The following DAP3 variants were observed in gnomAD, a reference collection of about 807,000 sequenced individuals.
The protein encoded by DAP3 is small ribosomal subunit protein mS29.
A neutral mutation model predicts 51.9 loss-of-function variants in DAP3; 28 were observed. The ratio of observed to expected loss-of-function variants is 0.54; its 90% CI spans 0.40 to 0.74. The LOEUF is 0.74. Ranked by LOEUF, DAP3 falls within the 30% of genes least tolerant of loss-of-function variation. The pLI, the probability that DAP3 is intolerant of heterozygous loss-of-function variation, is 0.00. For missense variants in DAP3, 458 were observed against 483.5 expected, an observed-to-expected ratio of 0.95 and a Z score of 0.49; for synonymous variants, 170 against 170.3, an observed-to-expected ratio of 1.00 and a Z score of 0.01.
At chr1:155,692,743 G>T (rs1356367517) in intron 1 of DAP3, among the ~76,000 whole-genome samples, 1 of 141,874 alleles carries the variant, frequency 7.0e-6, no homozygotes, top group Non-Finnish European at 1.5e-5. Flanking sequence ...GTATGAATGG[G>T]GAGTTATGCA....
At chr1:155,691,744 A>G (rs1653841623) in intron 1 of DAP3, among the ~76,000 whole-genome samples, 1 of 141,784 alleles carries the variant, frequency 7.1e-6, no homozygotes, top group South Asian at 2.1e-4. Flanking sequence ...TATCCAACAC[A>G]TGTTATTATC....
At chr1:155,688,696 T>G (rs1187970922), upstream of DAP3, 19 of 1,524,678 alleles carry the variant, frequency 1.2e-5, no homozygotes, top group Non-Finnish European at 1.4e-5. Context: ...CCACCTCCTC[T>G]TCTCTCCTCC....
rs1430199974 is a variant in DAP3, at chr1:155,738,770, G to C, written c.*528G>C. On this transcript the variant is annotated 3_prime_UTR_variant, in exon 13 of 13. Transcript: ENST00000368336. ...GCAGACTGCTTGAGTTCAGGAGTTT[G>C]CAACCAGCCTGGGCAACATGGTGAA... 1 of 152,052 alleles carries C rather than the reference G, an allele frequency of 6.6e-6. No homozygotes were observed. The highest frequency in any genetic ancestry group is 1.9e-4 in the East Asian group (1 of 5,162). 9.4% of individuals were successfully genotyped at this position (152,052 alleles called of 1,614,324 possible). A position where few individuals can be genotyped will look rare whatever the true frequency, so the allele number is the denominator to read the frequency against.
chr1:155,729,532 T>C (rs1349766458), intron 9 of DAP3, among the ~76,000 whole-genome samples, 166 bp downstream of exon 9: 1 of 151,942 alleles, frequency 6.6e-6, no homozygotes, highest in Non-Finnish European at 1.5e-5. Flanking sequence ...GTAATCCCAT[T>C]GGCTCACGAG....
chr1:155,736,872 T>C (rs941098081), intron 11 of DAP3, 74 bp from the exon 12 acceptor site: 2 of 1,186,980 alleles, frequency 1.7e-6, no homozygotes, highest in African/African-American at 3.0e-5. Flanking sequence ...ACCTTCAAAG[T>C]GCTTAAGTAG....
chr1:155,715,972 C>T (rs151048619), intron 2 of DAP3, among the ~76,000 whole-genome samples: 123 of 152,298 alleles, frequency 8.1e-4, no homozygotes, highest in East Asian at 5.0e-3. Flanking sequence ...ATAGCTGTCA[C>T]ATAGTGAGGA....
At chr1:155,708,165 T>C (rs1014168642) in intron 1 of DAP3, among the ~76,000 whole-genome samples, 1 of 151,928 alleles carries the variant, frequency 6.6e-6, no homozygotes, top group Non-Finnish European at 1.5e-5. Context: ...CTCCTGCCTC[T>C]GCCTCCCGAG....
At chr1:155,702,721 A>G (rs1655465595) in intron 1 of DAP3, among the ~76,000 whole-genome samples, 1 of 152,182 alleles carries the variant, frequency 6.6e-6, no homozygotes, top group South Asian at 2.1e-4. Context: ...CTGTAATCCC[A>G]GCATTTTGGG....
chr1:155,691,866 C>T (rs952483716), intron 1 of DAP3, among the ~76,000 whole-genome samples: 13 of 141,078 alleles, frequency 9.2e-5, no homozygotes, highest in African/African-American at 2.0e-4. Context: ...GTAGGGTATC[C>T]GAAGTCCGGT....
intron 3 of DAP3, among the ~76,000 whole-genome samples, chr1:155,718,777 T>C (rs772215510): frequency 2.0e-5 from 3 of 151,574 alleles, no homozygotes; most frequent in Non-Finnish European, 2.9e-5. Flanking sequence ...TATATATATA[T>C]ACCATTCACC....
In DAP3 at chr1:155,726,014, C is replaced by T. The variant is rs953049679; in HGVS notation, c.467C>T (p.Pro156Leu). The change falls in exon 6 of 13, where the codon CCA (proline) becomes CTA (leucine). Residue 156 changes from proline (P) to leucine (L), a missense_variant. Physicochemically the swap from Pro to Leu is moderately conservative, Grantham distance 98. Transcript: ENST00000368336. ...AKQDWLILHI[P>L]DAHLWVKNCR... ...CAGGACTGGCTGATACTACATATTC[C>T]AGATGGTAAGAACTTCCTGTTGTTT... 2.5e-6 allele frequency: 4 copies of T among 1,613,282 alleles called. No homozygotes were observed. In the African/African-American group the frequency reaches 4.0e-5, roughly 16 times the overall value.
chr1:155,710,229 CTTTT>C (rs537481688), intron 2 of DAP3: 12 of 137,068 alleles, frequency 8.8e-5, no homozygotes, highest in South Asian at 2.3e-4. Context: ...TTTTTCAGTA[CTTTT>C]TTTTTTTTTT....
intron 2 of DAP3, among the ~76,000 whole-genome samples, chr1:155,712,285 A>G (rs549657842): frequency 6.6e-6 from 1 of 152,314 alleles, no homozygotes; most frequent in African/African-American, 2.4e-5. Context: ...TACTTGAGTG[A>G]TAACATATAT....
In DAP3 at chr1:155,731,959, G is replaced by A; in HGVS notation, c.919G>A (p.Val307Met). The A allele has an allele frequency of 1.2e-6, 2 of 1,610,874 alleles. No individual in the cohort carries two copies. Among genetic ancestry groups the A allele is most frequent in the Non-Finnish European group, 1.7e-6 (2 of 1,178,680 alleles). The change falls in exon 11 of 13, where the codon GTG (valine) becomes ATG (methionine). Residue 307 changes from valine (V) to methionine (M), a missense_variant. Physicochemically the swap from Val to Met is conservative, Grantham distance 21 (BLOSUM62 1). Coordinates refer to ENST00000368336, the MANE Select transcript of DAP3 (RefSeq NM_004632.4). The part of the protein sequence containing the change: ...MKNDWHGGAI[V>M]SALSQTGSLF... The stretch of plus-strand genomic sequence containing the variant: ...TTTCTTTCAGCATGGAGGCGCCATT[G>A]TGTCGGCTTTGAGCCAGACTGGGTC...
At chr1:155,728,606 T>C (rs958263858) in intron 7 of DAP3, among the ~76,000 whole-genome samples, 5 of 151,596 alleles carry the variant, frequency 3.3e-5, no homozygotes, top group Non-Finnish European at 5.9e-5. Context: ...AGACATGTAA[T>C]TCCAGCATTT....
chr1:155,736,135 G>T (rs189852250), intron 11 of DAP3, among the ~76,000 whole-genome samples: 5 of 151,496 alleles, frequency 3.3e-5, no homozygotes, highest in African/African-American at 1.2e-4. Flanking sequence ...CACCGTGCCC[G>T]GCTAATTTTT....
chr1:155,737,997 G>A (rs1468914620), intron 12 of DAP3, among the ~76,000 whole-genome samples, 160 bp from the exon 13 acceptor site: 6 of 152,210 alleles, frequency 3.9e-5, no homozygotes, highest in Non-Finnish European at 8.8e-5. Context: ...CAAAAGAAGA[G>A]TAGCTTGTTG....
rs377633231 is a variant in DAP3 at position 155,721,036 on chromosome 1, CA to C, written c.169-471del. ...TGGGTGACAGAGCGAGACTCTGTCT[CA>C]AAAAAAAAAGAAGACAAGGCTGGGC... is the stretch of plus-strand genomic sequence containing the variant. On this transcript the variant is annotated intron_variant, in intron 3 of 12. Coordinates refer to ENST00000368336, the MANE Select transcript of DAP3 (RefSeq NM_004632.4). 2.1e-3 allele frequency among the ~76,000 whole-genome samples: 280 copies of C among 132,556 alleles called. 1 individual carries two copies. Among genetic ancestry groups the C allele is most frequent in the African/African-American group, 7.1e-3 (253 of 35,556 alleles). The allele number at this position is 132,556 out of a possible 152,430, so 87.0% of individuals were successfully genotyped here.
At chr1:155,693,271 G>A (rs1654090461) in intron 1 of DAP3, among the ~76,000 whole-genome samples, 1 of 141,822 alleles carries the variant, frequency 7.1e-6, no homozygotes, top group Admixed American at 6.6e-5. Flanking sequence ...CATAAAAGGA[G>A]GCTTGACACA....
Sources: gnomAD v4.1 joint callset for allele counts (sites outside exome capture counted in the v4.1 genomes callset) on GRCh38, gnomAD v4.1.1 for gene constraint, MANE v1.5 for transcripts, NCBI Gene and HGNC (gene_info 2026-07-23, HGNC 2026-07-21) for gene names.